NR3C1: variants seen among roughly 807,000 people sequenced by gnomAD.
NR3C1 encodes the protein nuclear receptor subfamily 3 group C member 1.
A neutral mutation model predicts 74.0 loss-of-function variants in NR3C1; 14 were observed. The observed-to-expected ratio is 0.19, with a 90% CI of 0.12 to 0.30. NR3C1 has a LOEUF of 0.30. Ranked by LOEUF, NR3C1 falls within the 10% of genes least tolerant of loss-of-function variation. The pLI is 1.00. For synonymous variants in NR3C1, 308 were observed against 332.5 expected (o/e 0.93, Z 0.80); for missense variants, 695 against 909.8 (o/e 0.76, Z 3.04).
chr5:143,347,314 T>A (rs1158936726), intron 2 of NR3C1, among the ~76,000 whole-genome samples: 2 of 152,138 alleles, frequency 1.3e-5, no homozygotes, highest in South Asian at 4.1e-4. Flanking sequence ...TGGCATTTCC[T>A]CCTTCTATGT....
rs577055373 is a variant in NR3C1, at chr5:143,327,936, C to T, written c.1185-13768G>A. Among the ~76,000 whole-genome samples the T allele has an allele frequency of 5.9e-5, 9 of 152,374 alleles. No homozygotes were observed. In the South Asian group the frequency reaches 1.9e-3, roughly 32 times the overall value. On this transcript the variant is annotated intron_variant, in intron 2 of 8. Transcript: ENST00000394464. Reference sequence around the variant, plus strand: ...GGGCCTGGAGGACAGAGGCCCTCTTCTCACAGCTCCACTAGGTAGTGCCCC... The same window carrying T: ...GGGCCTGGAGGACAGAGGCCCTCTTTTCACAGCTCCACTAGGTAGTGCCCC...
intron 1 of NR3C1, among the ~76,000 whole-genome samples, chr5:143,428,893 A>G (rs954369481): frequency 1.3e-5 from 2 of 152,194 alleles, no homozygotes; most frequent in African/African-American, 4.8e-5. Context: ...CACACCCTGC[A>G]GACCTTATTA....
intron 6 of NR3C1, among the ~76,000 whole-genome samples, 169 bp downstream of exon 6, chr5:143,298,499 A>G (rs1309832450): frequency 6.6e-6 from 1 of 152,204 alleles, no homozygotes; most frequent in Non-Finnish European, 1.5e-5. Context: ...TTTACATTAC[A>G]CTTGTCCTGC....
chr5:143,402,700 C>T (rs1840540607), intron 1 of NR3C1: 1 of 985,452 alleles, frequency 1.0e-6, no homozygotes, highest in South Asian at 4.7e-5. Context: ...GCGTGTGCAC[C>T]CTCACGCGCC....
rs1816986193 is a variant in NR3C1 at position 143,295,536 on chromosome 5, A to G, written c.1947T>C (p.Val649=). 1.2e-6 allele frequency: 2 copies of G among 1,613,362 alleles called. No individual in the cohort carries two copies. Among genetic ancestry groups the G allele is most frequent in the South Asian group, 1.1e-5 (1 of 91,078 alleles). ...CCTGAAGCCTGTGTAACTCAGAGGA[A>G]ACATACAGCATGTGTTTACATTGGT... is the stretch of plus-strand genomic sequence containing the variant. The part of the protein sequence containing the change: ...MYDQCKHMLY[V]SSELHRLQVS... The change falls in exon 7 of 9, where the codon GTT becomes GTC. Residue 649 remains valine, a synonymous_variant. Coordinates refer to ENST00000394464, the MANE Select transcript of NR3C1 (RefSeq NM_000176.3).
At chr5:143,293,117 C>T (rs530982473) in intron 7 of NR3C1, among the ~76,000 whole-genome samples, 53 of 152,226 alleles carry the variant, frequency 3.5e-4, no homozygotes, top group Non-Finnish European at 4.4e-4. Context: ...ACTAAATATA[C>T]AGAACCAGTC....
intron 7 of NR3C1, among the ~76,000 whole-genome samples, chr5:143,283,961 A>G (rs942654049): frequency 6.6e-6 from 1 of 152,144 alleles, no homozygotes; most frequent in Non-Finnish European, 1.5e-5. Flanking sequence ...ATAACTGTGC[A>G]CTCTCCAGAG....
intron 2 of NR3C1, among the ~76,000 whole-genome samples, chr5:143,388,716 T>C (rs1258770675): frequency 1.3e-5 from 2 of 152,222 alleles, no homozygotes; most frequent in Non-Finnish European, 2.9e-5. Context: ...TAAATTTTCC[T>C]CAGATTTGGG....
chr5:143,383,011 T>C (rs1421515237), intron 2 of NR3C1, among the ~76,000 whole-genome samples: 1 of 152,216 alleles, frequency 6.6e-6, no homozygotes, highest in East Asian at 1.9e-4. Flanking sequence ...TCTCTTCAAT[T>C]CCTGGCAGAG....
intron 2 of NR3C1, among the ~76,000 whole-genome samples, chr5:143,397,350 T>C (rs1839415659): frequency 6.6e-6 from 1 of 151,904 alleles, no homozygotes; most frequent in South Asian, 2.1e-4. Context: ...GATTATTTGC[T>C]GATCACTCAG....
intron 1 of NR3C1, among the ~76,000 whole-genome samples, chr5:143,427,017 G>T (rs111951439): frequency 2.6e-5 from 4 of 152,132 alleles, no homozygotes; most frequent in African/African-American, 9.7e-5. Flanking sequence ...ATTAAAGCAG[G>T]TCTTTTTCTT....
At chr5:143,293,266 A>G (rs1816361366) in intron 7 of NR3C1, among the ~76,000 whole-genome samples, 2 of 152,208 alleles carry the variant, frequency 1.3e-5, no homozygotes, top group South Asian at 4.1e-4. Context: ...TTGTAAGTGA[A>G]GTAACCCAGG....
chr5:143,375,148 T>C (rs1038371314), intron 2 of NR3C1, among the ~76,000 whole-genome samples: 1 of 152,208 alleles, frequency 6.6e-6, no homozygotes, highest in Non-Finnish European at 1.5e-5. Flanking sequence ...TATTTTTAAA[T>C]GGAAGTTTTC....
chr5:143,355,434 C>CCACTG (rs1561653374), intron 2 of NR3C1, among the ~76,000 whole-genome samples: 1 of 152,052 alleles, frequency 6.6e-6, no homozygotes, highest in African/African-American at 2.4e-5. Flanking sequence ...TAGGATCATG[C>CCACTG]CACTGTGCTC....
At chr5:143,405,306 G>C (rs1483835713), upstream of NR3C1, 2 of 985,466 alleles carry the variant, frequency 2.0e-6, no homozygotes, top group South Asian at 4.7e-5. Context: ...AATCCTGCTC[G>C]GGCGCTCGGC....
chr5:143,433,466 A>ATTTTATTTATT (rs1751964241), intron 1 of NR3C1, among the ~76,000 whole-genome samples: 9 of 133,798 alleles, frequency 6.7e-5, no homozygotes, highest in South Asian at 2.3e-4. Context: ...ATATATATAT[A>ATTTTATTTATT]TATATTTAAT....
chr5:143,337,691 C>A lies in NR3C1; in HGVS notation c.1185-23523G>T, dbSNP rs79094036. Reference sequence around the variant, plus strand: ...CTGTACACTACAACATGAATGAATCCTACAATGTTGAATGAAAAAAGCAAG... The same window carrying A: ...CTGTACACTACAACATGAATGAATCATACAATGTTGAATGAAAAAAGCAAG... On this transcript the variant is annotated intron_variant, in intron 2 of 8. Coordinates refer to ENST00000394464, the MANE Select transcript of NR3C1 (RefSeq NM_000176.3). 4.5e-3 allele frequency among the ~76,000 whole-genome samples: 679 copies of A among 152,082 alleles called. 2 individuals are homozygous for A. Among genetic ancestry groups the A allele is most frequent in the African/African-American group, 0.016 (646 of 41,480 alleles).
chr5:143,385,467 C>T lies in NR3C1; in HGVS notation c.1184+14189G>A, dbSNP rs187197125. On this transcript the variant is annotated intron_variant, in intron 2 of 8. Coordinates refer to ENST00000394464, the MANE Select transcript of NR3C1 (RefSeq NM_000176.3). Reference sequence around the variant, plus strand: ...TCTGCTTCTCTTTTAAACCTAAGTTCCAACTTCAGACCATCTCTTTGTGAA... The same window carrying T: ...TCTGCTTCTCTTTTAAACCTAAGTTTCAACTTCAGACCATCTCTTTGTGAA... Among the ~76,000 whole-genome samples the T allele has an allele frequency of 7.5e-3, 1,142 of 152,328 alleles. 6 individuals are homozygous for T. Among genetic ancestry groups the T allele is most frequent in the Non-Finnish European group, 0.012 (824 of 68,030 alleles).
chr5:143,353,345 C>T (rs1370898587), intron 2 of NR3C1, among the ~76,000 whole-genome samples: 1 of 152,184 alleles, frequency 6.6e-6, no homozygotes, highest in Non-Finnish European at 1.5e-5. Context: ...GATCCTTTGA[C>T]CTCCTCCTGC....
Sources: gnomAD v4.1 joint callset for allele counts (sites outside exome capture counted in the v4.1 genomes callset) on GRCh38, gnomAD v4.1.1 for gene constraint, MANE v1.5 for transcripts, NCBI Gene and HGNC (gene_info 2026-07-23, HGNC 2026-07-21) for gene names.